Variants in ABCA13 observed in about 807,000 individuals in gnomAD.
The protein encoded by ABCA13 is ATP-binding cassette sub-family A member 13.
Under a neutral mutation model 478.7 loss-of-function variants are expected in ABCA13, and 476 were observed. That is an observed-to-expected ratio of 0.99 (90% CI 0.92 to 1.07). The LOEUF (loss-of-function observed/expected upper bound fraction) is 1.07, where lower values mean the gene tolerates loss of function less well. ABCA13 is among the 50% of genes least tolerant of loss of function. The pLI, the probability that ABCA13 is intolerant of heterozygous loss-of-function variation, is 0.00. For synonymous variants in ABCA13, 2,252 were observed against 2,158.9 expected (o/e 1.04, Z -1.20); for missense variants, 6,060 against 5,910.6 (o/e 1.03, Z -0.83).
intron 39 of ABCA13, among the ~76,000 whole-genome samples, chr7:48,409,938 A>G (rs555687134): frequency 6.6e-6 from 1 of 151,436 alleles, no homozygotes; most frequent in African/African-American, 2.4e-5. Flanking sequence ...AAAAAAAAAA[A>G]AAAAAATTAG....
intron 59 of ABCA13, among the ~76,000 whole-genome samples, chr7:48,642,169 A>G (rs963466827): frequency 6.7e-5 from 10 of 150,046 alleles, no homozygotes; most frequent in Non-Finnish European, 1.0e-4. Flanking sequence ...TGAAATTAAG[A>G]CAAGAGGACA....
Position 48,276,181 on chromosome 7 carries a change from T to G in ABCA13, c.6515T>G (p.Leu2172Ter). The change falls in exon 17 of 62, where the codon TTA (leucine) becomes TGA (stop). Residue 2172 changes from leucine to a stop codon, truncating the protein, a stop_gained. Transcript: ENST00000435803. LOFTEE classifies it high-confidence loss of function. ...GCTATTGCTACTTTTTGGGGCTCTT[T>G]AAAAAATATATCTAGAGCAGGCAAT... ...AKAIATFWGS[L>*]KNISRAGNFD... The G allele has an allele frequency of 6.3e-7, 1 of 1,591,362 alleles. No homozygotes were observed. Among genetic ancestry groups the G allele is most frequent in the Non-Finnish European group, 8.6e-7 (1 of 1,168,982 alleles).
At position 48,238,538 on chromosome 7, in the gene ABCA13, C is replaced by T. The variant is rs369730406; in HGVS notation, c.898-703C>T. On this transcript the variant is annotated intron_variant, in intron 8 of 61. Coordinates refer to ENST00000435803, the MANE Select transcript of ABCA13 (RefSeq NM_152701.5). The stretch of plus-strand genomic sequence containing the variant: ...GGCTGGAGTGCAGTGGCACGATCTC[C>T]GCTCACTGCAAGCTCCGCCTCCTGG... Among the ~76,000 whole-genome samples the T allele has an allele frequency of 2.5e-4, 38 of 151,724 alleles. 1 individual carries two copies. The South Asian group carries it at 4.4e-3, about 18-fold the overall frequency.
At chr7:48,335,675 A>C (rs1255543346) in intron 28 of ABCA13, 140 bp downstream of exon 28, 15 of 515,050 alleles carry the variant, frequency 2.9e-5, no homozygotes, top group African/African-American at 3.9e-5. Flanking sequence ...TTGACATAAA[A>C]CTAGAGATGT....
At position 48,273,101 on chromosome 7, in the gene ABCA13, CTG is replaced by C. The variant is rs765695235; in HGVS notation, c.3437_3438del (p.Cys1146TyrfsTer10). On this transcript the variant is annotated frameshift_variant, in exon 17 of 62. Coordinates refer to ENST00000435803, the MANE Select transcript of ABCA13 (RefSeq NM_152701.5). LOFTEE classifies it high-confidence loss of function. Reference sequence around the variant, plus strand: ...TGTTCAACAAGTTTATGTCCATTCACTGTACCGTTTCATGGCTTCAAATGTGG... The same window carrying C: ...TGTTCAACAAGTTTATGTCCATTCACTACCGTTTCATGGCTTCAAATGTGG... ...SVFNKFMSIH[C>X]TVSWLQMWTE... 6.2e-7 allele frequency: 1 copy of C among 1,613,698 alleles called. No homozygotes were observed. The highest frequency in any genetic ancestry group is 1.1e-5 in the South Asian group (1 of 91,070).
rs1478514496 is a variant in ABCA13 at position 48,454,804 on chromosome 7, C to G, written c.12566-233C>G. 2.0e-5 allele frequency among the ~76,000 whole-genome samples: 3 copies of G among 152,350 alleles called. No individual in the cohort carries two copies. In the East Asian group the frequency reaches 5.8e-4, roughly 30 times the overall value. ...GCAGCGGAGCTCACACGCCCTGCTC[C>G]TGCCACGCGTTGCCACGAGGCTTCC... On this transcript the variant is annotated intron_variant, in intron 42 of 61. Coordinates refer to ENST00000435803, the MANE Select transcript of ABCA13 (RefSeq NM_152701.5).
At chr7:48,425,523 C>T (rs1334081926) in intron 41 of ABCA13, among the ~76,000 whole-genome samples, 1 of 152,132 alleles carries the variant, frequency 6.6e-6, no homozygotes, top group Non-Finnish European at 1.5e-5. Flanking sequence ...TCAGTGCCCT[C>T]ATCTTAAGCA....
intron 27 of ABCA13, among the ~76,000 whole-genome samples, chr7:48,323,557 C>T (rs2059758057): frequency 6.6e-6 from 1 of 152,208 alleles, no homozygotes; most frequent in African/African-American, 2.4e-5. Flanking sequence ...TTGGGCCAGG[C>T]ACCTTATGTG....
intron 41 of ABCA13, among the ~76,000 whole-genome samples, chr7:48,414,333 T>C (rs1024965488): frequency 1.3e-5 from 2 of 151,962 alleles, no homozygotes; most frequent in Non-Finnish European, 2.9e-5. Context: ...TTATGCATGC[T>C]TCTCTGTCTC....
chr7:48,445,026 G>A (rs1261281897), intron 42 of ABCA13, among the ~76,000 whole-genome samples: 1 of 73,678 alleles, frequency 1.4e-5, no homozygotes, highest in African/African-American at 5.1e-5. Flanking sequence ...TTTTTTTTTT[G>A]AGACAGAGTT....
intron 15 of ABCA13, among the ~76,000 whole-genome samples, chr7:48,267,550 A>T (rs778880366): frequency 6.6e-5 from 10 of 152,040 alleles, no homozygotes; most frequent in Non-Finnish European, 1.3e-4. Flanking sequence ...ATACAATTGG[A>T]TCTTGTTTTA....
intron 16 of ABCA13, among the ~76,000 whole-genome samples, chr7:48,269,989 A>C (rs1022638513): frequency 1.3e-5 from 2 of 152,164 alleles, no homozygotes; most frequent in East Asian, 3.9e-4. Flanking sequence ...AAGCCTCAAA[A>C]ATTTAATAGC....
chr7:48,575,253 G>A (rs1466152214), intron 55 of ABCA13, among the ~76,000 whole-genome samples: 2 of 151,876 alleles, frequency 1.3e-5, no homozygotes, highest in Non-Finnish European at 2.9e-5. Context: ...GGAGCACTAT[G>A]GAAAGATTCT....
At chr7:48,448,688 G>A (rs1267957159) in intron 42 of ABCA13, among the ~76,000 whole-genome samples, 1 of 152,008 alleles carries the variant, frequency 6.6e-6, no homozygotes, top group Non-Finnish European at 1.5e-5. Flanking sequence ...CAGTATGGTT[G>A]TTATAAGAAA....
In ABCA13 at chr7:48,254,446, T is replaced by C. The variant is rs1473844901; in HGVS notation, c.2005+5095T>C. Among the ~76,000 whole-genome samples, 8 of 152,290 alleles carry C rather than the reference T, an allele frequency of 5.3e-5. No individual in the cohort carries two copies. In the South Asian group the frequency reaches 1.7e-3, roughly 32 times the overall value. On this transcript the variant is annotated intron_variant, in intron 15 of 61. Coordinates refer to ENST00000435803, the MANE Select transcript of ABCA13 (RefSeq NM_152701.5). ...TTGCAGCTAATTTTTTTATTTTATT[T>C]TTTTGTTAAGATAGGGTCTTGCTAT... is the stretch of plus-strand genomic sequence containing the variant.
intron 59 of ABCA13, among the ~76,000 whole-genome samples, chr7:48,632,626 T>C (rs1369614621): frequency 6.6e-6 from 1 of 152,140 alleles, no homozygotes; most frequent in Non-Finnish European, 1.5e-5. Flanking sequence ...CCCAACTTCA[T>C]TTATTTGCAT....
chr7:48,612,672 C>T (rs1792142697), intron 58 of ABCA13, among the ~76,000 whole-genome samples: 1 of 152,144 alleles, frequency 6.6e-6, no homozygotes, highest in South Asian at 2.1e-4. Context: ...AAACATTAAC[C>T]TGTTTCCAGA....
chr7:48,457,731 C>T (rs1825826005), intron 43 of ABCA13, among the ~76,000 whole-genome samples: 1 of 152,220 alleles, frequency 6.6e-6, no homozygotes, highest in Admixed American at 6.5e-5. Flanking sequence ...CCTGCCTACA[C>T]AGGCTATCGT....
At chr7:48,334,528 G>A (rs1034224715) in intron 27 of ABCA13, among the ~76,000 whole-genome samples, 1 of 152,104 alleles carries the variant, frequency 6.6e-6, no homozygotes, top group African/African-American at 2.4e-5. Flanking sequence ...GTAGAGATGG[G>A]GTTTCATTGT....
Sources: allele counts gnomAD v4.1 joint callset (sites outside exome capture counted in the v4.1 genomes callset), GRCh38; gene constraint gnomAD v4.1.1; transcripts MANE v1.5; gene names NCBI Gene and HGNC (gene_info 2026-07-23, HGNC 2026-07-21).